The following FAM151A variants were observed in gnomAD, a reference collection of about 807,000 sequenced individuals.
FAM151A encodes the protein family with sequence similarity 151 member A.
In FAM151A, 41 loss-of-function variants were observed where a neutral mutation model predicts 40.4. The ratio of observed to expected loss-of-function variants is 1.01; its 90% confidence interval spans 0.79 to 1.32. FAM151A has a LOEUF of 1.32. FAM151A is among the 40% of genes most tolerant of loss of function. FAM151A has a pLI of 0.00. For missense variants in FAM151A, 740 were observed against 740.4 expected (o/e 1.00, Z 0.01); for synonymous variants, 337 against 312.5 (o/e 1.08, Z -0.83).
At chr1:54,616,423 G>T (rs908666292) in intron 2 of FAM151A, among the ~76,000 whole-genome samples, 3 of 151,866 alleles carry the variant, frequency 2.0e-5, no homozygotes, top group Non-Finnish European at 4.4e-5. Context: ...GAGTGCAGTG[G>T]TGTGATCTTG....
intron 7 of FAM151A, 155 bp downstream of exon 7, chr1:54,610,257 C>G: frequency 6.8e-7 from 1 of 1,468,362 alleles, no homozygotes; most frequent in East Asian, 2.4e-5. Context: ...ACTGTACTCC[C>G]TCTCCCTCCC....
chr1:54,623,222 A>T, intron 1 of FAM151A, 56 bp downstream of exon 1: 1 of 1,149,982 alleles, frequency 8.7e-7, no homozygotes, highest in East Asian at 2.3e-5. Flanking sequence ...AGAAGTGGGG[A>T]TAAGGAGCGA....
At chr1:54,611,430 T>C (rs1191055308) in intron 6 of FAM151A, among the ~76,000 whole-genome samples, 176 bp downstream of exon 6, 1 of 151,908 alleles carries the variant, frequency 6.6e-6, no homozygotes, top group Admixed American at 6.6e-5. Context: ...ATAAAATGGA[T>C]GTTTGAAGCT....
rs1450536013 is a variant in FAM151A at position 54,610,492 on chromosome 1, G to A, written c.1004C>T (p.Pro335Leu). The A allele has an allele frequency of 1.6e-5, 24 of 1,502,360 alleles. No homozygotes were observed. The highest frequency in any genetic ancestry group is 2.1e-5 in the Non-Finnish European group (23 of 1,088,746). The allele number at this position is 1,502,360 out of a possible 1,614,324, so 93.1% of individuals were successfully genotyped here. A position where few individuals can be genotyped will look rare whatever the true frequency, so the allele number is the denominator to read the frequency against. ...GGSLIPLLQL[P>L]GDDGLNVEWL... ...CTCCACATTCAGACCGTCATCCCCA[G>A]GCAGCTGGAGAAGAGGGATCAGGCT... The change falls in exon 7 of 8, where the codon CCT (proline) becomes CTT (leucine). Residue 335 changes from proline (P) to leucine (L), a missense_variant. Coordinates refer to ENST00000302250, the MANE Select transcript of FAM151A (RefSeq NM_176782.3).
At position 54,609,305 on chromosome 1, in the gene FAM151A, T is replaced by A. The variant is rs199740522; in HGVS notation, c.1721A>T (p.Tyr574Phe). ...TRVYYRLPQG[Y>F]HKDLLAHVGR... ...AACATGAGCCAGCAAGTCCTTGTGG[T>A]AGCCCTGGGGTAGCCTGTAGTAGAC... Residue 574 changes from tyrosine (Y) to phenylalanine (F), a missense_variant, in exon 8 of 8, where the codon TAC becomes TTC. Coordinates refer to ENST00000302250, the MANE Select transcript of FAM151A (RefSeq NM_176782.3). The A allele has an allele frequency of 3.5e-5, 56 of 1,610,494 alleles. No individual in the cohort carries two copies. Among genetic ancestry groups the A allele is most frequent in the Non-Finnish European group, 4.8e-5 (56 of 1,177,290 alleles).
In FAM151A at chr1:54,609,301, GT is replaced by G. The variant is rs1261326521; in HGVS notation, c.1724del (p.His575ProfsTer?). On this transcript the variant is annotated frameshift_variant, in exon 8 of 8. Transcript: ENST00000302250. LOFTEE classifies it high-confidence loss of function. ...RVYYRLPQGYHKDLLAHVGRN is the reference protein window; with the variant it reads ...RVYYRLPQGYXKDLLAHVGRN ...TACCAACATGAGCCAGCAAGTCCTT[GT>G]GGTAGCCCTGGGGTAGCCTGTAGTA... The G allele has an allele frequency of 5.0e-6, 8 of 1,610,024 alleles. No homozygotes were observed. The highest frequency in any genetic ancestry group is 6.8e-6 in the Non-Finnish European group (8 of 1,177,044).
chr1:54,611,628 C>T lies in FAM151A; in HGVS notation c.918G>A (p.Leu306=), dbSNP rs1644119520. The T allele has an allele frequency of 6.2e-7, 1 of 1,613,990 alleles. No homozygotes were observed. Residue 306 remains leucine, a synonymous_variant, in exon 6 of 8, where the codon CTG becomes CTA. Coordinates refer to ENST00000302250, the MANE Select transcript of FAM151A (RefSeq NM_176782.3). ...TACAGGCCAGCTGCTTGAACTGTGA[C>T]AGGAGAGGCTCAAAGATGTCATAGT... ...QVYYDIFEPL[L]SQFKQLALNA... is the part of the protein sequence containing the mutation.
At chr1:54,617,413 C>T (rs1644184105) in intron 2 of FAM151A, among the ~76,000 whole-genome samples, 2 of 151,048 alleles carry the variant, frequency 1.3e-5, no homozygotes, top group South Asian at 2.1e-4. Context: ...TCTATAGAGC[C>T]GGCAAAGTGA....
rs762970177 is a variant in FAM151A, at chr1:54,609,613, G to A, written c.1413C>T (p.Phe471=). The change falls in exon 8 of 8, where the codon TTC becomes TTT. Residue 471 remains phenylalanine (F), a synonymous_variant. Coordinates refer to ENST00000302250, the MANE Select transcript of FAM151A (RefSeq NM_176782.3). ...RELLTAVAEV[F]PHVTVAPGWP... is the part of the protein sequence containing the mutation. ...AGCCTGGTGCCACAGTCACGTGGGG[G>A]AAGACCTCAGCCACAGCTGTAAGCA... The A allele has an allele frequency of 5.6e-6, 9 of 1,613,478 alleles. No individual in the cohort carries two copies. The East Asian group carries it at 1.1e-4, about 20-fold the overall frequency.
In FAM151A at chr1:54,611,607, G is replaced by A. The variant is rs1202492642; in HGVS notation, c.939C>T (p.Ala313=). The change falls in exon 6 of 8, where the codon GCC becomes GCT. Residue 313 remains alanine, a splice_region_variant and synonymous_variant. Transcript: ENST00000302250. ...ACCCTTCCCAATTCCTCTCCTTACAGGCCAGCTGCTTGAACTGTGACAGGA... is the reference window on the plus strand; with the variant it reads ...ACCCTTCCCAATTCCTCTCCTTACAAGCCAGCTGCTTGAACTGTGACAGGA... ...EPLLSQFKQL[A]LNATRKPMYY... is the part of the protein sequence containing the mutation. The A allele has an allele frequency of 6.2e-7, 1 of 1,613,816 alleles. No individual in the cohort carries two copies. Among genetic ancestry groups the A allele is most frequent in the Middle Eastern group, 1.6e-4 (1 of 6,062 alleles).
chr1:54,616,993 A>T (rs2101021238), intron 2 of FAM151A, among the ~76,000 whole-genome samples: 1 of 152,238 alleles, frequency 6.6e-6, no homozygotes, highest in South Asian at 2.1e-4. Flanking sequence ...GGTGAGTCTC[A>T]GTGCCCAGCC....
Position 54,610,533 on chromosome 1 carries a change from C to T in FAM151A, c.963G>A (p.Met321Ile). The T allele has an allele frequency of 6.2e-7, 1 of 1,612,820 alleles. No individual in the cohort carries two copies. The highest frequency in any genetic ancestry group is 8.5e-7 in the Non-Finnish European group (1 of 1,179,326). The change falls in exon 7 of 8, where the codon ATG becomes ATA. Residue 321 changes from methionine (M) to isoleucine (I), a missense_variant. Physicochemically the swap from Met to Ile is conservative, Grantham distance 10 (BLOSUM62 1). Transcript: ENST00000302250. ...QLALNATRKP[M>I]YYTGGSLIPL... Reference sequence around the variant, plus strand: ...GGATCAGGCTGCCTCCCGTGTAGTACATTGGTTTCCGTGTGGCATTCACTG... The same window carrying T: ...GGATCAGGCTGCCTCCCGTGTAGTATATTGGTTTCCGTGTGGCATTCACTG...
intron 2 of FAM151A, 52 bp downstream of exon 2, chr1:54,619,812 G>A (rs1644210909): frequency 6.3e-7 from 1 of 1,584,842 alleles, no homozygotes; most frequent in South Asian, 1.1e-5. Context: ...CTCTCCCTCT[G>A]TCTTCTCTAT....
In FAM151A at chr1:54,614,856, A is replaced by C. The variant is rs748610915; in HGVS notation, c.419T>G (p.Ile140Ser). 5.0e-6 allele frequency: 8 copies of C among 1,613,288 alleles called. No homozygotes were observed. Among genetic ancestry groups the C allele is most frequent in the Non-Finnish European group, 6.8e-6 (8 of 1,179,708 alleles). Residue 140 changes from isoleucine (I) to serine (S), a missense_variant, in exon 4 of 8, where the codon ATC becomes AGC. Transcript: ENST00000302250. ...DAVLGSSQKG[I>S]KLDFKNIKAV... ...CTTGATGTTCTTGAAGTCCAGTTTG[A>C]TGCCTGTGGGGAAAGGAACAAGGGC...
intron 3 of FAM151A, among the ~76,000 whole-genome samples, chr1:54,615,685 G>A (rs1280818646): frequency 6.6e-6 from 1 of 152,186 alleles, no homozygotes; most frequent in Non-Finnish European, 1.5e-5. Flanking sequence ...GGGGTGCAGA[G>A]GGGAAGGGTG....
chr1:54,615,308 T>C (rs189463535), intron 3 of FAM151A, among the ~76,000 whole-genome samples: 1 of 151,808 alleles, frequency 6.6e-6, no homozygotes, highest in East Asian at 1.9e-4. Flanking sequence ...CTTTTCAGGG[T>C]GGTGAGGAGA....
chr1:54,619,477 T>C (rs1032072878), intron 2 of FAM151A, among the ~76,000 whole-genome samples: 4 of 152,184 alleles, frequency 2.6e-5, no homozygotes, highest in African/African-American at 9.6e-5. Context: ...CAGGAGAACC[T>C]GTGTGTAATG....
Position 54,616,010 on chromosome 1 carries a change from A to C in FAM151A, c.415+10T>G, listed in dbSNP as rs1247041471. On this transcript the variant is annotated intron_variant, in intron 3 of 7. Coordinates refer to ENST00000302250, the MANE Select transcript of FAM151A (RefSeq NM_176782.3). Reference sequence around the variant, plus strand: ...TGGGGGCCGGAGAGGGTTTCCAGAGAGGCCCTTACCCTTTTGGGAAGAGCC... The same window carrying C: ...TGGGGGCCGGAGAGGGTTTCCAGAGCGGCCCTTACCCTTTTGGGAAGAGCC... 2.5e-5 allele frequency: 40 copies of C among 1,612,870 alleles called. No individual in the cohort carries two copies. Among genetic ancestry groups the C allele is most frequent in the Non-Finnish European group, 3.3e-5 (39 of 1,179,854 alleles).
At position 54,610,923 on chromosome 1, in the gene FAM151A, T is replaced by G. The variant is rs972368477; in HGVS notation, c.941-368A>C. 7.3e-5 allele frequency: 72 copies of G among 985,358 alleles called. No homozygotes were observed. The African/African-American group carries it at 1.0e-3, about 14-fold the overall frequency. 61.0% of individuals were successfully genotyped at this position (985,358 alleles called of 1,614,324 possible). A position where few individuals can be genotyped will look rare whatever the true frequency, so the allele number is the denominator to read the frequency against. ...GGGTCAAGGGAATGAGGGGTTTGGA[T>G]AGTGGCATCTGATCACTGCTTAATG... is the stretch of plus-strand genomic sequence containing the variant. On this transcript the variant is annotated intron_variant, in intron 6 of 7. Coordinates refer to ENST00000302250, the MANE Select transcript of FAM151A (RefSeq NM_176782.3).
Sources: allele counts gnomAD v4.1 joint callset (sites outside exome capture counted in the v4.1 genomes callset), GRCh38; gene constraint gnomAD v4.1.1; transcripts MANE v1.5; gene names NCBI Gene and HGNC (gene_info 2026-07-23, HGNC 2026-07-21).